Variants in FAM151B observed in about 807,000 individuals in gnomAD.
FAM151B encodes protein FAM151B.
Under a neutral mutation model 31.2 loss-of-function variants are expected in FAM151B, and 24 were observed. The observed-to-expected ratio is 0.77, with a 90% confidence interval of 0.56 to 1.08. The LOEUF (loss-of-function observed/expected upper bound fraction) is 1.08. FAM151B is among the 50% of genes least tolerant of loss of function. The pLI is 0.00. For synonymous variants in FAM151B, 105 were observed against 111.4 expected (o/e 0.94, Z 0.36); for missense variants, 293 against 328.6 (o/e 0.89, Z 0.84).
intron 1 of FAM151B, among the ~76,000 whole-genome samples, chr5:80,496,645 G>A (rs1016264141): frequency 1.3e-5 from 2 of 151,930 alleles, no homozygotes; most frequent in African/African-American, 4.8e-5. Flanking sequence ...GTCAGTATTG[G>A]CTCATCTATT....
At chr5:80,508,038 G>T (rs542750843) in intron 2 of FAM151B, among the ~76,000 whole-genome samples, 2 of 152,272 alleles carry the variant, frequency 1.3e-5, no homozygotes, top group East Asian at 3.9e-4. Context: ...TTCCTATGTG[G>T]CCTTTTGTGA....
At chr5:80,540,424 G>A (rs1228781857) in intron 5 of FAM151B, among the ~76,000 whole-genome samples, 2 of 151,952 alleles carry the variant, frequency 1.3e-5, no homozygotes. Context: ...TTTTCTATGT[G>A]TTATTTCACA....
intron 5 of FAM151B, among the ~76,000 whole-genome samples, chr5:80,538,440 CTTTCTTTCTCTTTCTTTCTTTCTTT>C (rs1745655251): frequency 5.0e-5 from 3 of 59,874 alleles, no homozygotes; most frequent in African/African-American, 2.8e-4. Context: ...TTCTTTCTTT[CTTTCTTTCTCTTTCTTTCTTTCTTT>C]CTTTCTTTCT....
intron 1 of FAM151B, among the ~76,000 whole-genome samples, chr5:80,493,438 A>G (rs1006082922): frequency 6.6e-6 from 1 of 152,226 alleles, no homozygotes; most frequent in African/African-American, 2.4e-5. Context: ...TTTCAGGGAA[A>G]TAGGGAAGAT....
At chr5:80,489,905 C>T (rs1358933732) in intron 1 of FAM151B, among the ~76,000 whole-genome samples, 1 of 152,006 alleles carries the variant, frequency 6.6e-6, no homozygotes, top group African/African-American at 2.4e-5. Flanking sequence ...GCCTGAGCAA[C>T]AGAGAGAAAC....
At chr5:80,536,245 A>G (rs1745510736) in intron 5 of FAM151B, among the ~76,000 whole-genome samples, 1 of 152,032 alleles carries the variant, frequency 6.6e-6, no homozygotes, top group African/African-American at 2.4e-5. Context: ...ATCTCGGCTC[A>G]CTGCAACCTC....
At chr5:80,494,460 C>CTTTTCTTTCTTTCTTTCTTTTCTTTTCT (rs56167626) in intron 1 of FAM151B, among the ~76,000 whole-genome samples, 1 of 70,948 alleles carries the variant, frequency 1.4e-5, no homozygotes, top group African/African-American at 6.8e-5. Context: ...TCTTTCTTTT[C>CTTTTCTTTCTTTCTTTCTTTTCTTTTCT]TTTCTTTCTT....
intron 5 of FAM151B, among the ~76,000 whole-genome samples, chr5:80,522,716 C>T (rs1263076769): frequency 6.6e-6 from 1 of 152,114 alleles, no homozygotes; most frequent in Admixed American, 6.5e-5. Context: ...GAGCCAAGAT[C>T]ATACAACTGT....
intron 5 of FAM151B, among the ~76,000 whole-genome samples, chr5:80,531,462 G>A (rs1745241149): frequency 6.6e-6 from 1 of 151,956 alleles, no homozygotes; most frequent in Non-Finnish European, 1.5e-5. Flanking sequence ...CTACAGAATG[G>A]GAGAAAATTT....
intron 2 of FAM151B, among the ~76,000 whole-genome samples, chr5:80,509,487 G>A (rs1324819593): frequency 1.3e-5 from 2 of 152,062 alleles, no homozygotes; most frequent in Admixed American, 6.6e-5. Flanking sequence ...CTCCAGAATG[G>A]TGAGCCAATA....
intron 2 of FAM151B, chr5:80,510,649 T>A (rs1439472249): frequency 1.3e-5 from 2 of 152,224 alleles, no homozygotes; most frequent in Admixed American, 1.3e-4. Context: ...TAGAATTAGG[T>A]GCAATCAAGG....
intron 5 of FAM151B, among the ~76,000 whole-genome samples, chr5:80,530,724 A>G (rs755691380): frequency 6.0e-4 from 91 of 152,344 alleles, no homozygotes; most frequent in Non-Finnish European, 1.0e-3. Flanking sequence ...CCACTGCTCA[A>G]CGAAATAAAA....
At position 80,488,163 on chromosome 5, in the gene FAM151B, C is replaced by T; in HGVS notation, c.25+15C>T. 2.6e-6 allele frequency: 4 copies of T among 1,540,996 alleles called. No individual in the cohort carries two copies. The highest frequency in any genetic ancestry group is 2.0e-5 in the Admixed American group (1 of 51,008). On this transcript the variant is annotated intron_variant, in intron 1 of 5. Coordinates refer to ENST00000282226, the MANE Select transcript of FAM151B (RefSeq NM_205548.3). ...TGGAGGCCCAGGTAAGCGCCGAGCG[C>T]GCGGCCTCTGCCTGGAGGTGGGGCG...
At chr5:80,513,528 G>C (rs541144823) in intron 2 of FAM151B, 76 bp from the exon 3 acceptor site, 20 of 1,369,538 alleles carry the variant, frequency 1.5e-5, no homozygotes, top group Admixed American at 7.1e-5. Flanking sequence ...TCCTCAAAAG[G>C]ATACTGAACA....
chr5:80,540,639 G>A (rs1384677846), intron 5 of FAM151B, among the ~76,000 whole-genome samples: 1 of 152,054 alleles, frequency 6.6e-6, no homozygotes, highest in African/African-American at 2.4e-5. Context: ...CTTTTTATAA[G>A]GTTTTTCACC....
At chr5:80,494,579 C>T (rs1170519669) in intron 1 of FAM151B, among the ~76,000 whole-genome samples, 3 of 150,882 alleles carry the variant, frequency 2.0e-5, no homozygotes, top group Admixed American at 6.6e-5. Context: ...GTGGCATGAT[C>T]GTGGCTAATT....
chr5:80,519,964 A>T, intron 4 of FAM151B, 54 bp downstream of exon 4: 1 of 1,506,456 alleles, frequency 6.6e-7, no homozygotes, highest in Admixed American at 1.8e-5. Flanking sequence ...CTCCAGGTAT[A>T]AAAATAACAT....
Position 80,520,686 on chromosome 5 carries a change from G to GTATA in FAM151B, c.535+788_535+791dup, listed in dbSNP as rs111680419. Among the ~76,000 whole-genome samples the GTATA allele has an allele frequency of 2.5e-3, 346 of 139,072 alleles. 2 individuals carry two copies. Among genetic ancestry groups the GTATA allele is most frequent in the African/African-American group, 9.0e-3 (328 of 36,438 alleles). The allele number at this position is 139,072 out of a possible 152,430, so 91.2% of individuals were successfully genotyped here. A position where few individuals can be genotyped will look rare whatever the true frequency, so the allele number is the denominator to read the frequency against. ...TGTGTGCATATATATATATGTGTGT[G>GTATA]TATATATATATATATTTATTTATTA... On this transcript the variant is annotated intron_variant, in intron 4 of 5. Transcript: ENST00000282226.
At chr5:80,512,566 A>G (rs933047534) in intron 2 of FAM151B, among the ~76,000 whole-genome samples, 4 of 152,088 alleles carry the variant, frequency 2.6e-5, no homozygotes, top group African/African-American at 7.2e-5. Flanking sequence ...CTTGAGCCCA[A>G]GAGTTCACGA....
Sources: gnomAD v4.1 joint callset for allele counts (sites outside exome capture counted in the v4.1 genomes callset) on GRCh38, gnomAD v4.1.1 for gene constraint, MANE v1.5 for transcripts, NCBI Gene and HGNC (gene_info 2026-07-23, HGNC 2026-07-21) for gene names.